The following FBXO36 variants were observed in gnomAD, a reference collection of about 807,000 sequenced individuals.
FBXO36 encodes F-box protein 36, also known as F-box only protein 36.
Under a neutral mutation model 17.0 loss-of-function variants are expected in FBXO36, and 18 were observed. The ratio of observed to expected loss-of-function variants is 1.06; its 90% CI spans 0.73 to 1.57. The LOEUF (loss-of-function observed/expected upper bound fraction) is 1.57, where lower values mean the gene tolerates loss of function less well. Among genes scored for constraint, FBXO36 ranks in the 40% most tolerant of loss-of-function variants. FBXO36 has a pLI of 0.00. For synonymous variants in FBXO36, 83 were observed against 85.3 expected (o/e 0.97, Z 0.15); for missense variants, 229 against 221.9 (o/e 1.03, Z -0.20).
chr2:229,922,711 C>A, intron 1 of FBXO36, 102 bp downstream of exon 1: 1 of 1,220,088 alleles, frequency 8.2e-7, no homozygotes, highest in Non-Finnish European at 1.2e-6. Context: ...CGTAGCCCGC[C>A]GGAAGCGCCC....
intron 1 of FBXO36, among the ~76,000 whole-genome samples, chr2:229,955,603 C>T (rs1441345547): frequency 6.6e-6 from 1 of 152,036 alleles, no homozygotes; most frequent in African/African-American, 2.4e-5. Context: ...GAATGGAATC[C>T]CCATGGGAGT....
intron 1 of FBXO36, among the ~76,000 whole-genome samples, chr2:229,924,131 C>G (rs979102553): frequency 6.9e-6 from 1 of 145,898 alleles, no homozygotes; most frequent in African/African-American, 2.6e-5. Flanking sequence ...CCCTCTGTTG[C>G]CCAGGCTGGA....
At chr2:229,998,624 GAAAA>G (rs71049611) in intron 3 of FBXO36, among the ~76,000 whole-genome samples, 1 of 130,006 alleles carries the variant, frequency 7.7e-6, no homozygotes, top group African/African-American at 2.9e-5. Context: ...CTCAGTCTCA[GAAAA>G]AAAAAAAAAA....
intron 1 of FBXO36, among the ~76,000 whole-genome samples, chr2:229,944,586 CTTTTTCT>C (rs1560435108): frequency 1.6e-5 from 2 of 123,780 alleles, no homozygotes; most frequent in Non-Finnish European, 3.2e-5. Context: ...TATTTTTTTT[CTTTTTCT>C]TTTTTTTTTT....
chr2:229,997,621 A>G (rs1190721651), intron 3 of FBXO36, among the ~76,000 whole-genome samples: 1 of 151,718 alleles, frequency 6.6e-6, no homozygotes, highest in African/African-American at 2.4e-5. Flanking sequence ...AAGGAGGACA[A>G]CCTGACATCC....
At chr2:230,001,042 A>G (rs2077355926) in intron 3 of FBXO36, among the ~76,000 whole-genome samples, 1 of 151,536 alleles carries the variant, frequency 6.6e-6, no homozygotes, top group Non-Finnish European at 1.5e-5. Context: ...CATTTTCAGT[A>G]GAGACTGGGT....
chr2:229,982,599 G>A (rs1212926528), intron 2 of FBXO36, among the ~76,000 whole-genome samples: 1 of 151,872 alleles, frequency 6.6e-6, no homozygotes, highest in Non-Finnish European at 1.5e-5. Context: ...TTGAGGTTAG[G>A]AGTTTGAGAC....
intron 3 of FBXO36, among the ~76,000 whole-genome samples, chr2:230,008,144 G>A (rs1459549269): frequency 2.0e-5 from 3 of 152,172 alleles, no homozygotes; most frequent in Non-Finnish European, 4.4e-5. Context: ...CGCAGGCAGT[G>A]TGGTGTGTTT....
intron 1 of FBXO36, among the ~76,000 whole-genome samples, chr2:229,949,857 G>A (rs535740871): frequency 2.0e-5 from 3 of 152,230 alleles, no homozygotes; most frequent in South Asian, 2.1e-4. Context: ...CCTGGGAGGC[G>A]GAGCTTGCAG....
rs1272732609 is a variant in FBXO36 at position 229,954,630 on chromosome 2, CT to C, written c.97-21610del. On this transcript the variant is annotated intron_variant, in intron 1 of 3. Transcript: ENST00000283946. ...TGGCGCGATCTCAGCTCACTGCAAGCTCCCCCTCCCAGGTTCACGCCATTCT... is the reference window on the plus strand; with the variant it reads ...TGGCGCGATCTCAGCTCACTGCAAGCCCCCCTCCCAGGTTCACGCCATTCT... Among the ~76,000 whole-genome samples the C allele has an allele frequency of 2.7e-5, 4 of 147,330 alleles. No homozygotes were observed. The East Asian group carries it at 8.0e-4, about 30-fold the overall frequency.
At chr2:229,990,109 TTCTCTC>T (rs927396721) in intron 2 of FBXO36, among the ~76,000 whole-genome samples, 19 of 151,626 alleles carry the variant, frequency 1.3e-4, no homozygotes, top group African/African-American at 4.6e-4. Flanking sequence ...ATTTCCTAGT[TTCTCTC>T]TCTCTCTTAA....
intron 1 of FBXO36, among the ~76,000 whole-genome samples, chr2:229,967,658 C>A (rs543596778): frequency 6.6e-6 from 1 of 152,226 alleles, no homozygotes; most frequent in East Asian, 1.9e-4. Context: ...GTCTTTGGTT[C>A]TGTTTATGTG....
chr2:229,922,960 G>A (rs2076809744), intron 1 of FBXO36, among the ~76,000 whole-genome samples: 1 of 152,186 alleles, frequency 6.6e-6, no homozygotes. Context: ...TGAGAAGGAG[G>A]GAAAGAACGA....
At position 229,996,821 on chromosome 2, in the gene FBXO36, CT is replaced by C. The variant is rs1317539635; in HGVS notation, c.278del (p.Phe93SerfsTer11). 1.2e-6 allele frequency: 2 copies of C among 1,613,820 alleles called. No homozygotes were observed. Among genetic ancestry groups the C allele is most frequent in the Non-Finnish European group, 1.7e-6 (2 of 1,180,010 alleles). On this transcript the variant is annotated frameshift_variant, in exon 3 of 4. Transcript: ENST00000283946. LOFTEE classifies it high-confidence loss of function. ...TCAATTTGTGCAAAGGTAAATTTGA[CT>C]TCCTTGAACGGCTCTCAGACGATTT... ...VINLCKGKFD[F>X]LERLSDDLLL...
At position 229,958,419 on chromosome 2, in the gene FBXO36, C is replaced by G. The variant is rs550546916; in HGVS notation, c.97-17822C>G. ...CCGAGTAGCTGGGACTACAGGCGCC[C>G]GCCACGGCGCCCGGCTAATTTTTGT... On this transcript the variant is annotated intron_variant, in intron 1 of 3. Coordinates refer to ENST00000283946, the MANE Select transcript of FBXO36 (RefSeq NM_174899.5). Among the ~76,000 whole-genome samples, 45 of 151,916 alleles carry G rather than the reference C, an allele frequency of 3.0e-4. 1 individual carries two copies. The highest frequency in any genetic ancestry group is 9.9e-4 in the African/African-American group (41 of 41,468).
rs2077417399 is a variant in FBXO36 at position 230,011,739 on chromosome 2, T to G, written c.*855T>G. ...CTGGGATTACAGGCATGAGCCACTA[T>G]GTCTGGCTAAAACCTATAAACATTT... On this transcript the variant is annotated 3_prime_UTR_variant, in exon 4 of 4. Coordinates refer to ENST00000283946, the MANE Select transcript of FBXO36 (RefSeq NM_174899.5). 6.6e-6 allele frequency: 1 copy of G among 152,068 alleles called. No homozygotes were observed. The highest frequency in any genetic ancestry group is 1.5e-5 in the Non-Finnish European group (1 of 68,002). 9.4% of individuals were successfully genotyped at this position (152,068 alleles called of 1,614,324 possible).
At chr2:230,004,625 C>A (rs934204353) in intron 3 of FBXO36, among the ~76,000 whole-genome samples, 2 of 152,128 alleles carry the variant, frequency 1.3e-5, no homozygotes, top group African/African-American at 4.8e-5. Flanking sequence ...GGTACACACA[C>A]CCTTCTAAAA....
chr2:229,997,997 G>C (rs2106211124), intron 3 of FBXO36, among the ~76,000 whole-genome samples: 1 of 152,250 alleles, frequency 6.6e-6, no homozygotes, highest in African/African-American at 2.4e-5. Flanking sequence ...AAATCAGAAT[G>C]GGAATCTGTT....
At chr2:229,989,256 T>G (rs1401522194) in intron 2 of FBXO36, among the ~76,000 whole-genome samples, 1 of 152,138 alleles carries the variant, frequency 6.6e-6, no homozygotes, top group East Asian at 1.9e-4. Context: ...TATTTTTATT[T>G]TTATTTATTT....
Sources: gnomAD v4.1 joint callset for allele counts (sites outside exome capture counted in the v4.1 genomes callset) on GRCh38, gnomAD v4.1.1 for gene constraint, MANE v1.5 for transcripts, NCBI Gene and HGNC (gene_info 2026-07-23, HGNC 2026-07-21) for gene names.